LSAMP: variants seen among roughly 807,000 people sequenced by gnomAD.
LSAMP encodes the protein limbic system associated membrane protein.
LSAMP carries 7 observed loss-of-function variants against 38.6 expected under a neutral mutation model. That is an observed-to-expected ratio of 0.18 (90% CI 0.10 to 0.34). The LOEUF is 0.34. Among genes scored for constraint, LSAMP ranks in the 10% least tolerant of loss-of-function variants. The probability of loss-of-function intolerance (pLI) is 1.00; values close to 1 mark genes in which losing one functional copy is unlikely to be tolerated. For synonymous variants in LSAMP, 154 were observed against 166.8 expected, an observed-to-expected ratio of 0.92 and a Z score of 0.59; for missense variants, 313 against 420.0, an observed-to-expected ratio of 0.75 and a Z score of 2.23.
chr3:115,914,768 C>T (rs113801224), intron 3 of LSAMP, among the ~76,000 whole-genome samples: 127 of 152,310 alleles, frequency 8.3e-4, no homozygotes, highest in Non-Finnish European at 1.7e-3. Flanking sequence ...CTGCATATCA[C>T]ATAAAACCCT....
chr3:116,376,051 C>G (rs2048489341), intron 1 of LSAMP, among the ~76,000 whole-genome samples: 1 of 151,992 alleles, frequency 6.6e-6, no homozygotes, highest in Admixed American at 6.6e-5. Flanking sequence ...CTCTGTAGTA[C>G]AGCAGCATGA....
intron 1 of LSAMP, among the ~76,000 whole-genome samples, chr3:116,284,496 T>C (rs1185624054): frequency 2.6e-5 from 4 of 152,196 alleles, no homozygotes; most frequent in African/African-American, 4.8e-5. Flanking sequence ...CAATTAACAA[T>C]AAATTTCATC....
intron 2 of LSAMP, among the ~76,000 whole-genome samples, chr3:116,065,279 T>C (rs1428120379): frequency 6.6e-6 from 1 of 152,228 alleles, no homozygotes; most frequent in Non-Finnish European, 1.5e-5. Flanking sequence ...GAGAAATGGG[T>C]AATTTTAAAA....
At chr3:116,421,318 C>T (rs937115165) in intron 1 of LSAMP, among the ~76,000 whole-genome samples, 2 of 151,832 alleles carry the variant, frequency 1.3e-5, no homozygotes, top group African/African-American at 4.8e-5. Flanking sequence ...GCCTGTAATC[C>T]CAGCACTTTG....
chr3:115,977,204 C>T (rs956992595), intron 3 of LSAMP, among the ~76,000 whole-genome samples: 1 of 152,016 alleles, frequency 6.6e-6, no homozygotes, highest in African/African-American at 2.4e-5. Flanking sequence ...TTCAGTATGG[C>T]CCAGACTAGC....
At chr3:116,098,512 T>C (rs934584421) in intron 1 of LSAMP, among the ~76,000 whole-genome samples, 1 of 152,044 alleles carries the variant, frequency 6.6e-6, no homozygotes, top group African/African-American at 2.4e-5. Context: ...AATAAATACA[T>C]AAATAAATAT....
At chr3:116,078,277 C>CATTTATTTATTTA (rs149090036) in intron 2 of LSAMP, among the ~76,000 whole-genome samples, 13 of 150,176 alleles carry the variant, frequency 8.7e-5, no homozygotes, top group African/African-American at 3.2e-4. Flanking sequence ...TTTATATCCT[C>CATTTATTTATTTA]TTTATTTATT....
At chr3:115,914,847 T>A (rs1186761371) in intron 3 of LSAMP, among the ~76,000 whole-genome samples, 1 of 152,214 alleles carries the variant, frequency 6.6e-6, no homozygotes, top group East Asian at 1.9e-4. Flanking sequence ...GCTTCTTCAT[T>A]CTTCCTGACT....
chr3:115,872,599 G>C (rs1474920995), intron 3 of LSAMP, among the ~76,000 whole-genome samples: 4 of 152,040 alleles, frequency 2.6e-5, no homozygotes, highest in Admixed American at 2.6e-4. Context: ...TGGAAGAATG[G>C]AAAGAAGTGT....
intron 1 of LSAMP, among the ~76,000 whole-genome samples, chr3:116,220,892 C>T (rs867086856): frequency 9.2e-5 from 14 of 152,146 alleles, no homozygotes; most frequent in African/African-American, 2.9e-4. Flanking sequence ...CAGTGGCTCA[C>T]GCCTGTAATC....
chr3:116,325,409 A>G (rs1448357585), intron 1 of LSAMP, among the ~76,000 whole-genome samples: 1 of 152,126 alleles, frequency 6.6e-6, no homozygotes, highest in Non-Finnish European at 1.5e-5. Context: ...CTGTCTTAAC[A>G]GTGTCTCTAT....
At chr3:115,889,360 G>A (rs2107454021) in intron 3 of LSAMP, among the ~76,000 whole-genome samples, 1 of 152,080 alleles carries the variant, frequency 6.6e-6, no homozygotes, top group South Asian at 2.1e-4. Context: ...AAGAATGGGT[G>A]TGTTTGCCTG....
chr3:115,960,845 G>A (rs1004907630), intron 3 of LSAMP, among the ~76,000 whole-genome samples: 6 of 152,230 alleles, frequency 3.9e-5, no homozygotes, highest in Non-Finnish European at 7.4e-5. Context: ...TTTTCCCCAT[G>A]GAGAACTTTC....
chr3:116,186,825 G>A lies in LSAMP; in HGVS notation c.156-100269C>T, dbSNP rs574819818. On this transcript the variant is annotated intron_variant, in intron 1 of 6. Transcript: ENST00000490035. ...TCCTAGAAAATCATTTGACCAGCAGGGCTTGCATCAACTGGATATTATACT... is the reference window on the plus strand; with the variant it reads ...TCCTAGAAAATCATTTGACCAGCAGAGCTTGCATCAACTGGATATTATACT... Among the ~76,000 whole-genome samples the A allele has an allele frequency of 6.6e-5, 10 of 152,014 alleles. No individual in the cohort carries two copies. The South Asian group carries it at 2.1e-3, about 32-fold the overall frequency.
intron 3 of LSAMP, among the ~76,000 whole-genome samples, chr3:115,916,710 T>A (rs888840251): frequency 3.9e-5 from 6 of 152,232 alleles, no homozygotes; most frequent in Non-Finnish European, 7.3e-5. Context: ...TTATTTCTCA[T>A]GATAACAATC....
chr3:115,894,419 A>C (rs1023331917), intron 3 of LSAMP, among the ~76,000 whole-genome samples: 1 of 152,068 alleles, frequency 6.6e-6, no homozygotes, highest in Non-Finnish European at 1.5e-5. Context: ...TCTCTGGATG[A>C]AGGAATACTC....
Position 116,403,982 on chromosome 3 carries a change from T to TA in LSAMP, c.155+40894_155+40895insT, listed in dbSNP as rs1384268212. On this transcript the variant is annotated intron_variant, in intron 1 of 6. Transcript: ENST00000490035. ...TCTCCCTATATTGCCCAGGCTGGTCTCAAACTCCTTACCTCAAGCAATCCT... is the reference window on the plus strand; with the variant it reads ...TCTCCCTATATTGCCCAGGCTGGTCTACAAACTCCTTACCTCAAGCAATCCT... Among the ~76,000 whole-genome samples the TA allele has an allele frequency of 2.0e-5, 3 of 152,136 alleles. No homozygotes were observed. The East Asian group carries it at 5.8e-4, about 29-fold the overall frequency.
At chr3:115,887,429 C>A (rs888881287) in intron 3 of LSAMP, among the ~76,000 whole-genome samples, 1 of 151,826 alleles carries the variant, frequency 6.6e-6, no homozygotes, top group Admixed American at 6.6e-5. Flanking sequence ...AGACCACTAC[C>A]TTGCTCTTGA....
chr3:115,968,797 A>G (rs184999428), intron 3 of LSAMP, among the ~76,000 whole-genome samples: 367 of 152,262 alleles, frequency 2.4e-3, no homozygotes, highest in African/African-American at 8.4e-3. Context: ...TGTGGCCTAG[A>G]CTGCCTTTCC....
Sources: allele counts gnomAD v4.1 joint callset (sites outside exome capture counted in the v4.1 genomes callset), GRCh38; gene constraint gnomAD v4.1.1; transcripts MANE v1.5; gene names NCBI Gene and HGNC (gene_info 2026-07-23, HGNC 2026-07-21).